The following RAB38 variants were observed in gnomAD, a reference collection of about 807,000 sequenced individuals.
The protein encoded by RAB38 is RAB38, member RAS oncogene family, also known as ras-related protein Rab-38.
RAB38 carries 15 observed loss-of-function variants against 18.4 expected under a neutral mutation model. The observed-to-expected ratio is 0.82, with a 90% CI of 0.55 to 1.26. The LOEUF is 1.26. RAB38 is among the 50% of genes most tolerant of loss of function. RAB38 has a pLI of 0.00. For synonymous variants in RAB38, 101 were observed against 104.4 expected (o/e 0.97, Z 0.20); for missense variants, 294 against 267.4 (o/e 1.10, Z -0.69).
chr11:87,881,420 AT>A, the RAB38 span, among the ~76,000 whole-genome samples: 1 of 151,706 alleles, frequency 6.6e-6, no homozygotes, highest in African/African-American at 2.4e-5. Flanking sequence ...TTCTACTTTT[AT>A]TTTTTATTAG....
intron 2 of RAB38, among the ~76,000 whole-genome samples, chr11:88,122,059 A>G (rs1399281800): frequency 2.0e-5 from 3 of 148,614 alleles, no homozygotes; most frequent in African/African-American, 7.5e-5. Context: ...ATGTCTGTAA[A>G]TGTGCATTTC....
chr11:87,899,558 T>A, the RAB38 span, among the ~76,000 whole-genome samples: 1 of 151,526 alleles, frequency 6.6e-6, no homozygotes, highest in Admixed American at 6.6e-5. Flanking sequence ...ACTAAATAGG[T>A]CCCACAGTTG....
chr11:88,135,286 C>A (rs538113337), intron 2 of RAB38, among the ~76,000 whole-genome samples: 1 of 152,264 alleles, frequency 6.6e-6, no homozygotes, highest in Non-Finnish European at 1.5e-5. Context: ...CGTTTATTTA[C>A]CATTTTATAA....
At chr11:88,138,646 C>G (rs559844787) in intron 2 of RAB38, among the ~76,000 whole-genome samples, 2 of 152,070 alleles carry the variant, frequency 1.3e-5, no homozygotes, top group East Asian at 1.9e-4. Flanking sequence ...GTCTCAGTTC[C>G]TTAATATATA....
chr11:87,910,813 T>G, the RAB38 span, among the ~76,000 whole-genome samples: 1 of 151,838 alleles, frequency 6.6e-6, no homozygotes, highest in Non-Finnish European at 1.5e-5. Flanking sequence ...GCTAATGTAT[T>G]TTTAGTAGAG....
At chr11:87,909,243 T>C in the RAB38 span, among the ~76,000 whole-genome samples, 2 of 152,074 alleles carry the variant, frequency 1.3e-5, no homozygotes, top group African/African-American at 2.4e-5. Flanking sequence ...GTATTAGCAT[T>C]TACTAGTCAA....
chr11:87,937,817 G>A, the RAB38 span, among the ~76,000 whole-genome samples: 4 of 146,178 alleles, frequency 2.7e-5, no homozygotes, highest in Admixed American at 6.8e-5. Flanking sequence ...CTTGGCCGGC[G>A]CTTTCTATTT....
chr11:87,947,742 C>T, the RAB38 span, among the ~76,000 whole-genome samples: 1 of 152,132 alleles, frequency 6.6e-6, no homozygotes, highest in African/African-American at 2.4e-5. Flanking sequence ...TTCCATTGGT[C>T]TATATCTCTG....
the RAB38 span, chr11:87,879,612 C>T: frequency 6.6e-6 from 1 of 151,680 alleles, no homozygotes; most frequent in African/African-American, 2.4e-5. Flanking sequence ...GTGGAGCAAC[C>T]TCTATGCTCA....
the RAB38 span, among the ~76,000 whole-genome samples, chr11:87,876,641 C>A: frequency 6.6e-6 from 1 of 151,462 alleles, no homozygotes; most frequent in African/African-American, 2.4e-5. Context: ...TAGGTGGTTT[C>A]TTTAGGGCTC....
the RAB38 span, among the ~76,000 whole-genome samples, chr11:88,099,431 C>T: frequency 2.6e-5 from 4 of 151,502 alleles, no homozygotes; most frequent in East Asian, 1.9e-4. Context: ...TGTGACACTC[C>T]GAAAATCAAA....
chr11:87,977,708 A>C, the RAB38 span, among the ~76,000 whole-genome samples: 3 of 103,776 alleles, frequency 2.9e-5, no homozygotes, highest in Admixed American at 4.1e-4. Context: ...GGGATATATT[A>C]TATATTTATA....
chr11:88,026,156 G>C, the RAB38 span, among the ~76,000 whole-genome samples: 2 of 151,738 alleles, frequency 1.3e-5, no homozygotes. Context: ...GTAGAGACAG[G>C]GTTTCACCAT....
chr11:87,965,614 GTAT>G, the RAB38 span, among the ~76,000 whole-genome samples: 2 of 152,122 alleles, frequency 1.3e-5, no homozygotes, highest in African/African-American at 4.8e-5. Context: ...TTACCAAGAA[GTAT>G]TATAATATAC....
the RAB38 span, among the ~76,000 whole-genome samples, chr11:87,869,601 T>C: frequency 6.6e-6 from 1 of 151,726 alleles, no homozygotes; most frequent in Non-Finnish European, 1.5e-5. Flanking sequence ...ATTTTAGGTC[T>C]GTAGTCCTCG....
At chr11:87,976,169 T>C in the RAB38 span, among the ~76,000 whole-genome samples, 6 of 147,804 alleles carry the variant, frequency 4.1e-5, no homozygotes, top group African/African-American at 1.2e-4. Flanking sequence ...CCTTTATGTA[T>C]ATAGGTATAT....
chr11:88,102,811 T>C, the RAB38 span, among the ~76,000 whole-genome samples: 1 of 152,052 alleles, frequency 6.6e-6, no homozygotes, highest in Admixed American at 6.6e-5. Flanking sequence ...CTTGCACGCA[T>C]CTCAGGCAAG....
the RAB38 span, among the ~76,000 whole-genome samples, chr11:88,077,033 A>AAAGCAAGC: frequency 9.1e-6 from 1 of 109,392 alleles, no homozygotes; most frequent in African/African-American, 4.2e-5. Context: ...GAAAAGAAAG[A>AAAGCAAGC]AAGCAAGCAA....
At chr11:88,106,431 T>A in the RAB38 span, among the ~76,000 whole-genome samples, 13 of 152,278 alleles carry the variant, frequency 8.5e-5, no homozygotes, top group South Asian at 2.5e-3. Context: ...AACTTTCTCA[T>A]ATTTGATATT....
Sources: allele counts gnomAD v4.1 joint callset (sites outside exome capture counted in the v4.1 genomes callset), GRCh38; gene constraint gnomAD v4.1.1; transcripts MANE v1.5; gene names NCBI Gene and HGNC (gene_info 2026-07-23, HGNC 2026-07-21).